DACH2: variants seen among roughly 807,000 people sequenced by gnomAD.
DACH2 encodes the protein dachshund homolog 2.
Under a neutral mutation model 35.8 loss-of-function variants are expected in DACH2, and 17 were observed. That is an observed-to-expected ratio of 0.48 (90% CI 0.33 to 0.71). The LOEUF is 0.71. Ranked by LOEUF, DACH2 falls within the 30% of genes least tolerant of loss-of-function variation. The probability of loss-of-function intolerance (pLI) is 0.02; values close to 1 mark genes in which losing one functional copy is unlikely to be tolerated. For missense variants in DACH2, 469 were observed against 472.7 expected, an observed-to-expected ratio of 0.99 and a Z score of 0.07; for synonymous variants, 195 against 177.3, an observed-to-expected ratio of 1.10 and a Z score of -0.79.
At chrX:86,406,696 C>T (rs959287123) in intron 2 of DACH2, among the ~76,000 whole-genome samples, 1 of 111,895 alleles carries the variant, frequency 8.9e-6, no homozygotes, top group African/African-American at 3.2e-5. Flanking sequence ...TGACTGATCC[C>T]TACAGCAAGC....
intron 1 of DACH2, among the ~76,000 whole-genome samples, chrX:86,302,585 A>G (rs1264046459): frequency 9.0e-6 from 1 of 111,458 alleles, no homozygotes; most frequent in Non-Finnish European, 1.9e-5. Context: ...CCCAAGTCAG[A>G]AAGTTTACCC....
chrX:86,712,502 C>T (rs1409668580), intron 5 of DACH2, among the ~76,000 whole-genome samples: 1 of 108,575 alleles, frequency 9.2e-6, no homozygotes, highest in African/African-American at 3.5e-5. Context: ...ATTTAATTAT[C>T]CCACGTTGTG....
At chrX:86,367,244 A>G (rs1430001142) in intron 1 of DACH2, among the ~76,000 whole-genome samples, 1 of 111,880 alleles carries the variant, frequency 8.9e-6, no homozygotes, top group African/African-American at 3.2e-5. Flanking sequence ...TGCTGAAACA[A>G]ACATCGGAGC....
rs778264417 is a variant in DACH2 at position 86,793,650 on chromosome X, GT to G, written c.1241-19201del. On this transcript the variant is annotated intron_variant, in intron 7 of 11. Coordinates refer to ENST00000373125, the MANE Select transcript of DACH2 (RefSeq NM_053281.3). Reference sequence around the variant, plus strand: ...AAAATTCTGAATTTAACATTAAACTGTTTTTGCTTCTAATTTAAACTCTAAT... The same window carrying G: ...AAAATTCTGAATTTAACATTAAACTGTTTTGCTTCTAATTTAAACTCTAAT... 1.8e-4 allele frequency among the ~76,000 whole-genome samples: 20 copies of G among 111,964 alleles called. No homozygotes were observed. In the East Asian group the frequency reaches 5.3e-3, roughly 30 times the overall value.
chrX:86,530,821 G>A (rs927454441), intron 3 of DACH2, among the ~76,000 whole-genome samples: 3 of 111,549 alleles, frequency 2.7e-5, no homozygotes, highest in Non-Finnish European at 5.6e-5. Context: ...GTAAAATCTG[G>A]GGCTTCCTAG....
At chrX:86,608,944 G>T (rs1052714653) in intron 3 of DACH2, among the ~76,000 whole-genome samples, 3 of 111,315 alleles carry the variant, frequency 2.7e-5, no homozygotes, top group Non-Finnish European at 5.7e-5. Flanking sequence ...ATGCCTTGTG[G>T]TAGTCTTTTT....
chrX:86,721,096 A>G (rs940314556), intron 6 of DACH2, among the ~76,000 whole-genome samples: 1 of 112,390 alleles, frequency 8.9e-6, no homozygotes, highest in African/African-American at 3.2e-5. Flanking sequence ...CCTGCCCAGG[A>G]AACCATTTCC....
rs1014898932 is a variant in DACH2, at chrX:86,481,877, C to T, written c.528-32402C>T. The T allele has an allele frequency of 4.5e-5, 5 of 112,223 alleles. No individual in the cohort carries two copies. In the South Asian group the frequency reaches 1.8e-3, roughly 41 times the overall value. 9.2% of individuals were successfully genotyped at this position (112,223 alleles called of 1,213,427 possible). A position where few individuals can be genotyped will look rare whatever the true frequency, so the allele number is the denominator to read the frequency against. On this transcript the variant is annotated intron_variant, in intron 2 of 11. Transcript: ENST00000373125. ...CTTTTTTGATCAATTTTCTCTGTTG[C>T]CAGTTTGTTAAACATGCAATAGCAT...
chrX:86,809,149 A>G (rs2042372294), intron 7 of DACH2, among the ~76,000 whole-genome samples: 1 of 111,761 alleles, frequency 8.9e-6, no homozygotes, highest in Non-Finnish European at 1.9e-5. Context: ...CCTTGACTAG[A>G]TGGCAGTTCT....
chrX:86,797,864 A>G (rs1270937809), intron 7 of DACH2, among the ~76,000 whole-genome samples: 1 of 111,746 alleles, frequency 8.9e-6, no homozygotes, highest in East Asian at 2.8e-4. Context: ...AGTGTATCAC[A>G]TGTCTTAATT....
intron 2 of DACH2, among the ~76,000 whole-genome samples, chrX:86,406,834 G>A (rs904322550): frequency 9.0e-6 from 1 of 111,611 alleles, no homozygotes; most frequent in Non-Finnish European, 1.9e-5. Flanking sequence ...TCTGGTCCAG[G>A]ATCTAAAGAA....
intron 1 of DACH2, among the ~76,000 whole-genome samples, chrX:86,364,570 G>C (rs2035781146): frequency 9.0e-6 from 1 of 111,266 alleles, no homozygotes. Context: ...AACAAGGGGT[G>C]ACCTTAGAGA....
rs927717994 is a variant in DACH2, at chrX:86,467,266, A to C, written c.528-47013A>C. 3.6e-5 allele frequency among the ~76,000 whole-genome samples: 4 copies of C among 111,097 alleles called. No homozygotes were observed. In the Admixed American group the frequency reaches 3.8e-4, roughly 11 times the overall value. On this transcript the variant is annotated intron_variant, in intron 2 of 11. Transcript: ENST00000373125. ...CCAAATACCCTAAATAATCTCTCTC[A>C]AGTTCACAGTTCCACAGATATCTAG...
intron 2 of DACH2, among the ~76,000 whole-genome samples, chrX:86,406,132 A>G (rs1377230367): frequency 8.9e-6 from 1 of 111,919 alleles, no homozygotes; most frequent in East Asian, 2.8e-4. Context: ...ATCATATTGA[A>G]TTAATCTACA....
chrX:86,824,745 G>A (rs954708404), intron 11 of DACH2, among the ~76,000 whole-genome samples: 1 of 111,699 alleles, frequency 9.0e-6, no homozygotes, highest in Non-Finnish European at 1.9e-5. Flanking sequence ...ATGAATAAAT[G>A]CAATGTTGAT....
At chrX:86,290,563 G>A (rs1239868652) in intron 1 of DACH2, among the ~76,000 whole-genome samples, 2 of 108,213 alleles carry the variant, frequency 1.8e-5, no homozygotes, top group East Asian at 5.8e-4. Context: ...TAGGTCTGAC[G>A]TTTAAGTCTT....
chrX:86,650,536 C>G (rs2040466372), intron 3 of DACH2, among the ~76,000 whole-genome samples: 2 of 111,331 alleles, frequency 1.8e-5, no homozygotes, highest in South Asian at 7.5e-4. Flanking sequence ...AGTGCTCCCA[C>G]TGACAATGTT....
At chrX:86,369,764 T>C (rs987392139) in intron 1 of DACH2, among the ~76,000 whole-genome samples, 4 of 111,642 alleles carry the variant, frequency 3.6e-5, no homozygotes. Flanking sequence ...AATAATTCAG[T>C]ATATTTGCTG....
intron 3 of DACH2, among the ~76,000 whole-genome samples, chrX:86,583,517 C>T: frequency 9.2e-6 from 1 of 108,328 alleles, no homozygotes. Flanking sequence ...AGGAAATTAT[C>T]TTCTATTTCT....
Sources: gnomAD v4.1 joint callset for allele counts (sites outside exome capture counted in the v4.1 genomes callset) on GRCh38, gnomAD v4.1.1 for gene constraint, MANE v1.5 for transcripts, NCBI Gene and HGNC (gene_info 2026-07-23, HGNC 2026-07-21) for gene names.